FAF1: variants seen among roughly 807,000 people sequenced by gnomAD.
The protein encoded by FAF1 is Fas associated factor 1.
A neutral mutation model predicts 92.5 loss-of-function variants in FAF1; 25 were observed. The observed-to-expected ratio is 0.27, with a 90% CI of 0.20 to 0.38. FAF1 has a LOEUF of 0.38. Among genes scored for constraint, FAF1 ranks in the 10% least tolerant of loss-of-function variants. FAF1 has a pLI of 1.00. For missense variants in FAF1, 636 were observed against 793.3 expected, an observed-to-expected ratio of 0.80 and a Z score of 2.38; for synonymous variants, 234 against 273.2, an observed-to-expected ratio of 0.86 and a Z score of 1.42.
chr1:50,509,841 C>A (rs532904714), intron 15 of FAF1, among the ~76,000 whole-genome samples: 12 of 151,370 alleles, frequency 7.9e-5, no homozygotes, highest in Admixed American at 2.0e-4. Context: ...GTTCCTTGAC[C>A]GCTTCCAACA....
chr1:50,893,767 T>C (rs1273875793), intron 1 of FAF1, among the ~76,000 whole-genome samples: 1 of 152,100 alleles, frequency 6.6e-6, no homozygotes, highest in East Asian at 1.9e-4. Context: ...CTTATATCCT[T>C]CCCTAAAGCA....
intron 18 of FAF1, among the ~76,000 whole-genome samples, chr1:50,473,286 C>G (rs1277382926): frequency 6.6e-6 from 1 of 152,096 alleles, no homozygotes; most frequent in Non-Finnish European, 1.5e-5. Context: ...TATTTTCACC[C>G]CATCCCTGTC....
In FAF1 at chr1:50,720,242, G is replaced by A. The variant is rs61386942; in HGVS notation, c.552-14351C>T. On this transcript the variant is annotated intron_variant, in intron 6 of 18. Coordinates refer to ENST00000396153, the MANE Select transcript of FAF1 (RefSeq NM_007051.3). Reference sequence around the variant, plus strand: ...GTCTCAAACTCCTGACAGGTGATCCGCGTGCCTTGGCCTCCCAAAAAATGA... The same window carrying A: ...GTCTCAAACTCCTGACAGGTGATCCACGTGCCTTGGCCTCCCAAAAAATGA... Among the ~76,000 whole-genome samples, 982 of 152,092 alleles carry A rather than the reference G, an allele frequency of 6.5e-3. 19 individuals carry two copies. The highest frequency in any genetic ancestry group is 0.023 in the African/African-American group (937 of 41,506).
chr1:50,715,023 A>G (rs1325972090), intron 6 of FAF1: 1 of 435,764 alleles, frequency 2.3e-6, no homozygotes, highest in Non-Finnish European at 4.6e-6. Context: ...AAGTTCTAAA[A>G]ATATATATCT....
intron 7 of FAF1, among the ~76,000 whole-genome samples, chr1:50,682,670 C>A (rs1656474919): frequency 2.0e-5 from 3 of 152,100 alleles, no homozygotes; most frequent in Admixed American, 2.0e-4. Context: ...ATTATATATA[C>A]TGGTATTATC....
At chr1:50,792,443 C>T (rs1219963782) in intron 3 of FAF1, among the ~76,000 whole-genome samples, 2 of 152,286 alleles carry the variant, frequency 1.3e-5, no homozygotes, top group South Asian at 2.1e-4. Flanking sequence ...TCTCCCATGA[C>T]TGAGAAGGCT....
At chr1:50,519,740 T>G (rs1015841107) in intron 15 of FAF1, among the ~76,000 whole-genome samples, 2 of 152,216 alleles carry the variant, frequency 1.3e-5, no homozygotes. Context: ...TGGCTGATAG[T>G]GTACTCCTCC....
At chr1:50,605,578 T>TC (rs1208109431) in intron 8 of FAF1, among the ~76,000 whole-genome samples, 1 of 152,060 alleles carries the variant, frequency 6.6e-6, no homozygotes, top group African/African-American at 2.4e-5. Flanking sequence ...TTTTTTTTTT[T>TC]CACAGAGGCC....
intron 4 of FAF1, chr1:50,781,083 G>T: frequency 2.6e-6 from 1 of 384,512 alleles, no homozygotes; most frequent in Non-Finnish European, 5.1e-6. Context: ...TTGAGTACCA[G>T]CTCTCACACT....
intron 1 of FAF1, among the ~76,000 whole-genome samples, chr1:50,861,762 G>T (rs1020356353): frequency 2.0e-5 from 3 of 151,772 alleles, no homozygotes; most frequent in Admixed American, 2.0e-4. Context: ...CAAAGAATTT[G>T]TTTCAAGCTT....
Position 50,797,005 on chromosome 1 carries a change from A to T in FAF1, c.161+4626T>A, listed in dbSNP as rs181472739. ...AAAAAAATTAGCCGGGCTTGGTGGCACATGCCTGTAGTCCCAGCTACTCAG... is the reference window on the plus strand; with the variant it reads ...AAAAAAATTAGCCGGGCTTGGTGGCTCATGCCTGTAGTCCCAGCTACTCAG... On this transcript the variant is annotated intron_variant, in intron 3 of 18. Coordinates refer to ENST00000396153, the MANE Select transcript of FAF1 (RefSeq NM_007051.3). 2.3e-4 allele frequency among the ~76,000 whole-genome samples: 35 copies of T among 152,262 alleles called. No homozygotes were observed. In the East Asian group the frequency reaches 6.6e-3, roughly 29 times the overall value.
intron 1 of FAF1, among the ~76,000 whole-genome samples, chr1:50,946,423 T>C (rs911342450): frequency 4.6e-5 from 7 of 152,202 alleles, no homozygotes; most frequent in Admixed American, 2.6e-4. Flanking sequence ...TATCTCGTCA[T>C]TAATAGGCAA....
chr1:50,626,565 C>T (rs1479918983), intron 8 of FAF1, among the ~76,000 whole-genome samples: 1 of 152,066 alleles, frequency 6.6e-6, no homozygotes, highest in Admixed American at 6.6e-5. Flanking sequence ...TATAAGATAA[C>T]ACTAAAGAAG....
intron 13 of FAF1, among the ~76,000 whole-genome samples, chr1:50,565,650 A>G (rs1409685284): frequency 6.6e-6 from 1 of 151,924 alleles, no homozygotes; most frequent in Non-Finnish European, 1.5e-5. Context: ...TTGCCATCAT[A>G]AAAAAAAGAA....
intron 1 of FAF1, among the ~76,000 whole-genome samples, chr1:50,953,857 T>C (rs186836013): frequency 2.0e-5 from 3 of 152,020 alleles, no homozygotes; most frequent in East Asian, 1.9e-4. Flanking sequence ...ACAGAAAACA[T>C]AACTGAAAAT....
At chr1:50,823,476 C>A (rs142653735) in intron 2 of FAF1, among the ~76,000 whole-genome samples, 1 of 152,260 alleles carries the variant, frequency 6.6e-6, no homozygotes, top group African/African-American at 2.4e-5. Context: ...CATTAAATAG[C>A]AATTCCATTC....
chr1:50,660,578 C>G (rs1182561599), intron 7 of FAF1, among the ~76,000 whole-genome samples: 1 of 151,936 alleles, frequency 6.6e-6, no homozygotes, highest in Non-Finnish European at 1.5e-5. Flanking sequence ...ACTGCAACCT[C>G]CACCTCCTGG....
chr1:50,887,049 T>C (rs1276802579), intron 1 of FAF1, among the ~76,000 whole-genome samples: 4 of 152,246 alleles, frequency 2.6e-5, no homozygotes, highest in African/African-American at 9.6e-5. Flanking sequence ...TGCAGTTTCC[T>C]GACGTTTTTA....
intron 4 of FAF1, among the ~76,000 whole-genome samples, chr1:50,752,872 T>TG (rs1186511453): frequency 6.6e-6 from 1 of 151,784 alleles, no homozygotes; most frequent in African/African-American, 2.4e-5. Flanking sequence ...TCAGTAGAGA[T>TG]GGGGTTTCAC....
Sources: gnomAD v4.1 joint callset for allele counts (sites outside exome capture counted in the v4.1 genomes callset) on GRCh38, gnomAD v4.1.1 for gene constraint, MANE v1.5 for transcripts, NCBI Gene and HGNC (gene_info 2026-07-23, HGNC 2026-07-21) for gene names.